SLC35D2: variants seen among roughly 807,000 people sequenced by gnomAD.
SLC35D2 encodes the protein nucleotide sugar transporter SLC35D2.
In SLC35D2, 43 loss-of-function variants were observed where a neutral mutation model predicts 41.8. The ratio of observed to expected loss-of-function variants is 1.03; its 90% CI spans 0.81 to 1.33. The LOEUF (loss-of-function observed/expected upper bound fraction) is 1.33, where lower values mean the gene tolerates loss of function less well. SLC35D2 is among the 40% of genes most tolerant of loss of function. SLC35D2 has a pLI of 0.00. For missense variants in SLC35D2, 380 were observed against 408.4 expected (o/e 0.93, Z 0.60); for synonymous variants, 150 against 163.9 (o/e 0.92, Z 0.65).
chr9:96,324,303 T>G (rs999462985), intron 9 of SLC35D2, 134 bp from the exon 10 acceptor site: 1 of 614,652 alleles, frequency 1.6e-6, no homozygotes, highest in Admixed American at 3.0e-5. Context: ...AAAGGTTTTG[T>G]AACCCACATC....
intron 8 of SLC35D2, among the ~76,000 whole-genome samples, chr9:96,341,251 C>T (rs1829312939): frequency 1.3e-5 from 2 of 152,144 alleles, no homozygotes; most frequent in South Asian, 2.1e-4. Context: ...CATGCCACTG[C>T]ACTCCAGCCT....
At chr9:96,335,172 G>A (rs1331898945) in intron 9 of SLC35D2, among the ~76,000 whole-genome samples, 2 of 152,182 alleles carry the variant, frequency 1.3e-5, no homozygotes, top group African/African-American at 2.4e-5. Context: ...CATTTGATGA[G>A]TAATTCCCTG....
chr9:96,382,466 T>TACACATACAC (rs1831232890), intron 1 of SLC35D2, among the ~76,000 whole-genome samples: 1 of 133,040 alleles, frequency 7.5e-6, no homozygotes, highest in Non-Finnish European at 1.6e-5. Context: ...AAAAATATTA[T>TACACATACAC]ACACACACAC....
chr9:96,336,049 T>A (rs7046533), intron 9 of SLC35D2, among the ~76,000 whole-genome samples: 1 of 128,042 alleles, frequency 7.8e-6, no homozygotes, highest in South Asian at 3.1e-4. Context: ...GACTCCATCT[T>A]CAAAAAAAAA....
intron 9 of SLC35D2, among the ~76,000 whole-genome samples, chr9:96,333,083 G>A (rs1308080032): frequency 6.6e-6 from 1 of 150,604 alleles, no homozygotes; most frequent in Non-Finnish European, 1.5e-5. Context: ...ATTTTTAGTA[G>A]AGATGGGGTT....
intron 8 of SLC35D2, among the ~76,000 whole-genome samples, chr9:96,341,961 T>C (rs956934312): frequency 6.6e-6 from 1 of 150,610 alleles, no homozygotes; most frequent in Non-Finnish European, 1.5e-5. Flanking sequence ...TATATATATC[T>C]AAAATACCAG....
chr9:96,364,627 A>C (rs748466698), intron 2 of SLC35D2, 77 bp from the exon 3 acceptor site: 13 of 817,514 alleles, frequency 1.6e-5, no homozygotes, highest in Admixed American at 2.2e-5. Context: ...TCATCAAAAG[A>C]AAACACATTC....
At chr9:96,346,250 A>G (rs1049771287) in intron 6 of SLC35D2, among the ~76,000 whole-genome samples, 9 of 152,242 alleles carry the variant, frequency 5.9e-5, no homozygotes, top group Non-Finnish European at 1.0e-4. Flanking sequence ...TTCACAGAAA[A>G]GAAGTGAAAC....
At chr9:96,358,105 T>TATATATATATATATAC (rs546410635) in intron 4 of SLC35D2, among the ~76,000 whole-genome samples, 38 of 143,508 alleles carry the variant, frequency 2.6e-4, no homozygotes, top group Non-Finnish European at 4.1e-4. Flanking sequence ...TATATATATA[T>TATATATATATATATAC]ATACCTGCAA....
At chr9:96,363,253 G>T (rs1387780126) in intron 3 of SLC35D2, among the ~76,000 whole-genome samples, 1 of 149,604 alleles carries the variant, frequency 6.7e-6, no homozygotes, top group Non-Finnish European at 1.5e-5. Flanking sequence ...CTCCTGCCTT[G>T]ATCTCCCCGA....
At chr9:96,357,723 A>G (rs1057192697) in intron 4 of SLC35D2, among the ~76,000 whole-genome samples, 4 of 152,078 alleles carry the variant, frequency 2.6e-5, no homozygotes, top group African/African-American at 9.7e-5. Flanking sequence ...AAAACATAGA[A>G]AAACTGGAAT....
rs985624122 is a variant in SLC35D2 at position 96,351,091 on chromosome 9, C to T, written c.488+12G>A. On this transcript the variant is annotated intron_variant, in intron 6 of 11. Coordinates refer to ENST00000253270, the MANE Select transcript of SLC35D2 (RefSeq NM_007001.3). ...AAAGAAGTTATTGAGCAGAAACAGT[C>T]CAAAGTCTTACCCAGCTGCTATGAA... is the stretch of plus-strand genomic sequence containing the variant. The T allele has an allele frequency of 6.2e-7, 1 of 1,600,852 alleles. No individual in the cohort carries two copies.
chr9:96,317,893 C>T (rs1400746452), downstream of SLC35D2, among the ~76,000 whole-genome samples: 6 of 149,574 alleles, frequency 4.0e-5, no homozygotes, highest in East Asian at 2.0e-4. Context: ...AATAGCCAGG[C>T]GTAGTGGCGT....
chr9:96,331,312 C>T (rs1828797498), intron 9 of SLC35D2, among the ~76,000 whole-genome samples: 1 of 152,212 alleles, frequency 6.6e-6, no homozygotes, highest in South Asian at 2.1e-4. Context: ...CTCCTGTATG[C>T]TTGCTTTTAT....
At chr9:96,319,042 A>G (rs1443846561), downstream of SLC35D2, among the ~76,000 whole-genome samples, 7 of 152,188 alleles carry the variant, frequency 4.6e-5, no homozygotes, top group Non-Finnish European at 8.8e-5. Flanking sequence ...TTGAAAGCAG[A>G]GCCTTGAAGA....
At chr9:96,333,820 A>G (rs1481521701) in intron 9 of SLC35D2, among the ~76,000 whole-genome samples, 1 of 152,180 alleles carries the variant, frequency 6.6e-6, no homozygotes, top group Non-Finnish European at 1.5e-5. Context: ...TATCTCATCA[A>G]GTTTACAATG....
At chr9:96,344,797 C>G (rs1045920901) in intron 7 of SLC35D2, among the ~76,000 whole-genome samples, 3 of 151,732 alleles carry the variant, frequency 2.0e-5, no homozygotes, top group African/African-American at 7.3e-5. Flanking sequence ...CTCTGCCCCA[C>G]CCCTCATCAT....
chr9:96,368,617 T>C (rs985026951), intron 1 of SLC35D2, among the ~76,000 whole-genome samples: 2 of 151,058 alleles, frequency 1.3e-5, no homozygotes, highest in African/African-American at 4.9e-5. Context: ...TCTTTCCACC[T>C]TTGCCTCCCT....
intron 9 of SLC35D2, among the ~76,000 whole-genome samples, chr9:96,335,946 G>A (rs577425132): frequency 6.6e-6 from 1 of 151,496 alleles, no homozygotes; most frequent in Non-Finnish European, 1.5e-5. Flanking sequence ...CCAGCTACTC[G>A]GGAGGCTGAG....
Sources: gnomAD v4.1 joint callset for allele counts (sites outside exome capture counted in the v4.1 genomes callset) on GRCh38, gnomAD v4.1.1 for gene constraint, MANE v1.5 for transcripts, NCBI Gene and HGNC (gene_info 2026-07-23, HGNC 2026-07-21) for gene names.